The following FOXP4 variants were observed in gnomAD, a reference collection of about 807,000 sequenced individuals.
FOXP4 encodes forkhead box P4, also known as forkhead box protein P4.
A neutral mutation model predicts 82.6 loss-of-function variants in FOXP4; 25 were observed. That is an observed-to-expected ratio of 0.30 (90% CI 0.22 to 0.42). The LOEUF (loss-of-function observed/expected upper bound fraction) is 0.42. Ranked by LOEUF, FOXP4 falls within the 10% of genes least tolerant of loss-of-function variation. The pLI, the probability that FOXP4 is intolerant of heterozygous loss-of-function variation, is 1.00. For missense variants in FOXP4, 785 were observed against 900.9 expected (o/e 0.87, Z 1.65); for synonymous variants, 415 against 388.2 (o/e 1.07, Z -0.81).
At chr6:41,568,701 C>G (rs1765018805) in intron 2 of FOXP4, among the ~76,000 whole-genome samples, 1 of 152,302 alleles carries the variant, frequency 6.6e-6, no homozygotes. Flanking sequence ...CTCTGTGGCT[C>G]TCCAAGCTCC....
At chr6:41,598,097 G>A (rs1277640852) in intron 16 of FOXP4, 147 bp downstream of exon 16, 3 of 616,152 alleles carry the variant, frequency 4.9e-6, no homozygotes, top group Non-Finnish European at 7.9e-6. Flanking sequence ...CCTTCCCTCA[G>A]CCCTCTCAGC....
intron 1 of FOXP4, among the ~76,000 whole-genome samples, chr6:41,553,948 C>G (rs972256329): frequency 1.3e-5 from 2 of 152,196 alleles, no homozygotes; most frequent in African/African-American, 4.8e-5. Flanking sequence ...GCTCTGCCCC[C>G]TGCATGGAAG....
At chr6:41,557,983 C>T (rs1253328768) in intron 1 of FOXP4, among the ~76,000 whole-genome samples, 1 of 152,082 alleles carries the variant, frequency 6.6e-6, no homozygotes, top group Non-Finnish European at 1.5e-5. Flanking sequence ...CTCCGAGCAC[C>T]CAAGTGTTGT....
chr6:41,574,789 C>T (rs1024138750), intron 2 of FOXP4, among the ~76,000 whole-genome samples: 1 of 152,176 alleles, frequency 6.6e-6, no homozygotes, highest in Non-Finnish European at 1.5e-5. Flanking sequence ...TGTGACCCTC[C>T]TCGTTCACCG....
In FOXP4 at chr6:41,597,413, T is replaced by C. The variant is rs116497669; in HGVS notation, c.1725+171T>C. 5.1e-3 allele frequency among the ~76,000 whole-genome samples: 781 copies of C among 152,214 alleles called. 4 individuals carry two copies. Among genetic ancestry groups the C allele is most frequent in the African/African-American group, 0.018 (744 of 41,522 alleles). On this transcript the variant is annotated intron_variant, in intron 15 of 16. Transcript: ENST00000307972. ...GCCCCACCCCAACTCGGGGCCAGCC[T>C]CCACCTCTGCTTTCAAGGCTGGGTT...
chr6:41,597,817 A>G lies in FOXP4; in HGVS notation c.1762A>G (p.Ser588Gly). Reference sequence around the variant, plus strand: ...CGAGAGCAGCTTCCCCCTCCTCAACAGCCCTGGCATGCTGAACCCTGGCTC... The same window carrying G: ...CGAGAGCAGCTTCCCCCTCCTCAACGGCCCTGGCATGCTGAACCCTGGCTC... ...LAESSFPLLN[S>G]PGMLNPGSAS... Residue 588 changes from serine to glycine, a missense_variant, in exon 16 of 17, where the codon AGC becomes GGC. Around this residue, in one of 3 missense-constraint regions of FOXP4, gnomAD observed 184 missense variants for 187.3 expected, o/e 0.98. Coordinates refer to ENST00000307972, the MANE Select transcript of FOXP4 (RefSeq NM_001012426.2). The G allele has an allele frequency of 6.2e-7, 1 of 1,607,418 alleles. No individual in the cohort carries two copies. Among genetic ancestry groups the G allele is most frequent in the African/African-American group, 1.3e-5 (1 of 74,956 alleles).
intron 2 of FOXP4, among the ~76,000 whole-genome samples, chr6:41,571,600 G>C (rs1241615776): frequency 2.0e-5 from 3 of 152,170 alleles, no homozygotes; most frequent in African/African-American, 4.8e-5. Context: ...TCATTTTAAT[G>C]GTTCTAATTT....
At chr6:41,569,265 C>T (rs979373373) in intron 2 of FOXP4, among the ~76,000 whole-genome samples, 1 of 152,138 alleles carries the variant, frequency 6.6e-6, no homozygotes, top group Admixed American at 6.5e-5. Context: ...CACTGGGCTC[C>T]GTGCCGGCCA....
chr6:41,592,356 G>T (rs911464682), intron 13 of FOXP4, among the ~76,000 whole-genome samples: 1 of 152,190 alleles, frequency 6.6e-6, no homozygotes, highest in Admixed American at 6.5e-5. Flanking sequence ...ACTTTCATAT[G>T]CTCATACCCA....
intron 12 of FOXP4, among the ~76,000 whole-genome samples, chr6:41,590,558 G>T (rs560108696): frequency 2.0e-5 from 3 of 152,154 alleles, no homozygotes; most frequent in Non-Finnish European, 4.4e-5. Context: ...GTCTCTGGGG[G>T]TGCACACACT....
intron 13 of FOXP4, 77 bp from the exon 14 acceptor site, chr6:41,594,793 T>C (rs1766725927): frequency 1.3e-6 from 2 of 1,578,888 alleles, no homozygotes. Flanking sequence ...GCGTGGGACA[T>C]GGGATGGGAT....
At chr6:41,596,524 C>T (rs1229375131) in intron 14 of FOXP4, among the ~76,000 whole-genome samples, 1 of 152,018 alleles carries the variant, frequency 6.6e-6, no homozygotes, top group Non-Finnish European at 1.5e-5. Context: ...GGCCTGGCTG[C>T]GCTTGCACCT....
At chr6:41,559,286 C>G (rs778728827) in intron 1 of FOXP4, among the ~76,000 whole-genome samples, 5 of 152,228 alleles carry the variant, frequency 3.3e-5, no homozygotes, top group Non-Finnish European at 2.9e-5. Flanking sequence ...ATAAGCTTCA[C>G]AAGAGCAAGC....
intron 2 of FOXP4, among the ~76,000 whole-genome samples, chr6:41,571,752 C>A (rs975610751): frequency 6.6e-6 from 1 of 152,090 alleles, no homozygotes; most frequent in Non-Finnish European, 1.5e-5. Context: ...TCCTTGTCCC[C>A]CCTCTCTGTG....
chr6:41,589,932 C>G, intron 10 of FOXP4, 31 bp from the exon 11 acceptor site: 1 of 1,612,278 alleles, frequency 6.2e-7, no homozygotes, highest in Non-Finnish European at 8.5e-7. Context: ...CCCTCGGGCA[C>G]TGGTCTCAGT....
intron 1 of FOXP4, among the ~76,000 whole-genome samples, chr6:41,560,341 T>TA (rs1764496343): frequency 6.6e-6 from 1 of 152,206 alleles, no homozygotes; most frequent in African/African-American, 2.4e-5. Context: ...GACACCAACT[T>TA]ACAGGGTCAG....
chr6:41,550,004 C>G (rs1383668051), intron 1 of FOXP4, among the ~76,000 whole-genome samples: 1 of 152,130 alleles, frequency 6.6e-6, no homozygotes, highest in African/African-American at 2.4e-5. Context: ...TCACAGTTTC[C>G]CTTCTCACAG....
At chr6:41,554,617 T>C (rs769783873) in intron 1 of FOXP4, among the ~76,000 whole-genome samples, 1 of 151,702 alleles carries the variant, frequency 6.6e-6, no homozygotes, top group African/African-American at 2.4e-5. Context: ...CCCAGCACTT[T>C]GGGAGGCCAA....
chr6:41,589,109 C>G (rs1766338869), intron 9 of FOXP4, among the ~76,000 whole-genome samples: 2 of 152,216 alleles, frequency 1.3e-5, no homozygotes, highest in African/African-American at 4.8e-5. Context: ...CCCCATTTTC[C>G]AGATGGAGAA....
Sources: gnomAD v4.1 joint callset for allele counts (sites outside exome capture counted in the v4.1 genomes callset) on GRCh38, gnomAD v4.1.1 for gene constraint, gnomAD v4.1.1 regional missense constraint, MANE v1.5 for transcripts, NCBI Gene and HGNC (gene_info 2026-07-23, HGNC 2026-07-21) for gene names.